The following MSI2 variants were observed in gnomAD, a reference collection of about 807,000 sequenced individuals.
The protein encoded by MSI2 is RNA-binding protein Musashi homolog 2.
Under a neutral mutation model 45.6 loss-of-function variants are expected in MSI2, and 17 were observed. The ratio of observed to expected loss-of-function variants is 0.37; its 90% CI spans 0.26 to 0.56. The LOEUF is 0.56. Among genes scored for constraint, MSI2 ranks in the 20% least tolerant of loss-of-function variants. MSI2 has a pLI of 0.77. For missense variants in MSI2, 293 were observed against 444.2 expected, an observed-to-expected ratio of 0.66 and a Z score of 3.06; for synonymous variants, 156 against 158.2, an observed-to-expected ratio of 0.99 and a Z score of 0.11.
At chr17:57,471,911 G>T (rs1365323231) in intron 6 of MSI2, among the ~76,000 whole-genome samples, 2 of 152,172 alleles carry the variant, frequency 1.3e-5, no homozygotes, top group South Asian at 2.1e-4. Flanking sequence ...GAGGGGAAAT[G>T]TCTTCAGCTA....
At chr17:57,626,951 C>T in intron 9 of MSI2, 2 of 533,648 alleles carry the variant, frequency 3.7e-6, no homozygotes, top group Non-Finnish European at 6.7e-6. Flanking sequence ...GTGTTTGGTG[C>T]TGATGCATGG....
intron 11 of MSI2, among the ~76,000 whole-genome samples, chr17:57,666,262 G>A (rs555592807): frequency 6.6e-6 from 1 of 152,356 alleles, no homozygotes; most frequent in East Asian, 1.9e-4. Flanking sequence ...CTGAGACACT[G>A]TGTGGCATTG....
At chr17:57,308,235 T>C (rs775214783) in intron 5 of MSI2, among the ~76,000 whole-genome samples, 2 of 152,168 alleles carry the variant, frequency 1.3e-5, no homozygotes, top group Non-Finnish European at 2.9e-5. Flanking sequence ...GTAAATCAAA[T>C]AATGTTAGCT....
chr17:57,688,505 G>T (rs982695852), downstream of MSI2, among the ~76,000 whole-genome samples: 5 of 152,118 alleles, frequency 3.3e-5, no homozygotes, highest in Admixed American at 6.5e-5. Context: ...TCAATATACA[G>T]CATATCATAG....
intron 8 of MSI2, among the ~76,000 whole-genome samples, chr17:57,602,340 TTTTTGTTTG>T (rs1021396229): frequency 6.6e-6 from 1 of 152,090 alleles, no homozygotes; most frequent in African/African-American, 2.4e-5. Context: ...TGTTTTTTGT[TTTTTGTTTG>T]TTTTGTTTTG....
Position 57,683,914 on chromosome 17 carries a change from T to G in MSI2, c.*4397T>G, listed in dbSNP as rs1263629785. On this transcript the variant is annotated 3_prime_UTR_variant, in exon 14 of 14. Coordinates refer to ENST00000284073, the MANE Select transcript of MSI2 (RefSeq NM_138962.4). This position sits in a 1 kb window ranked among gnomAD's most constrained non-coding sequence, Gnocchi z 5.2. ...GCAATACTTTAATACTGTAATATGT[T>G]TGTTTTCTTTTTCTTTCTTTTTTTT... 4.8e-5 allele frequency: 11 copies of G among 230,946 alleles called. No individual in the cohort carries two copies. The highest frequency in any genetic ancestry group is 2.8e-4 in the Admixed American group (5 of 17,674). The allele number at this position is 230,946 out of a possible 1,614,324, so 14.3% of individuals were successfully genotyped here. A position where few individuals can be genotyped will look rare whatever the true frequency, so the allele number is the denominator to read the frequency against.
intron 5 of MSI2, among the ~76,000 whole-genome samples, chr17:57,299,532 C>T (rs1318133688): frequency 3.3e-5 from 5 of 152,058 alleles, no homozygotes; most frequent in Admixed American, 6.6e-5. Flanking sequence ...GGGGAAGGGA[C>T]GTGGGGGAAT....
At chr17:57,672,417 C>G (rs903803000) in intron 11 of MSI2, among the ~76,000 whole-genome samples, 3 of 152,240 alleles carry the variant, frequency 2.0e-5, no homozygotes, top group Admixed American at 6.5e-5. Context: ...TGTCTTCTAT[C>G]TAAGCCTGCA....
intron 7 of MSI2, among the ~76,000 whole-genome samples, chr17:57,547,348 G>A (rs555522088): frequency 3.9e-5 from 6 of 152,332 alleles, no homozygotes; most frequent in African/African-American, 1.4e-4. Flanking sequence ...GATCCCAGTG[G>A]CTCCCTGAAT....
At chr17:57,257,655 G>A (rs1001678473) in intron 3 of MSI2, 108 bp downstream of exon 3, 18 of 767,646 alleles carry the variant, frequency 2.3e-5, no homozygotes, top group African/African-American at 2.3e-4. Flanking sequence ...GGGCTCAGGC[G>A]CGTGGCTGAT....
intron 6 of MSI2, among the ~76,000 whole-genome samples, chr17:57,435,810 A>G (rs1283683835): frequency 6.6e-6 from 1 of 152,104 alleles, no homozygotes; most frequent in African/African-American, 2.4e-5. Flanking sequence ...TTCATGTTTT[A>G]TGTGAAATTG....
chr17:57,632,437 G>A lies in MSI2; in HGVS notation c.727+5134G>A, dbSNP rs114366652. On this transcript the variant is annotated intron_variant, in intron 10 of 13. Coordinates refer to ENST00000284073, the MANE Select transcript of MSI2 (RefSeq NM_138962.4). ...CATAATCACAAGCCTGTCTGTCTTC[G>A]AGAAGGGACAGTGGAGTCATCCAGG... The A allele has an allele frequency of 2.8e-3, 2,961 of 1,065,974 alleles. 62 individuals carry two copies. In the African/African-American group the frequency reaches 0.045, roughly 16 times the overall value. The allele number at this position is 1,065,974 out of a possible 1,614,324, so 66.0% of individuals were successfully genotyped here.
intron 6 of MSI2, among the ~76,000 whole-genome samples, chr17:57,424,810 G>A (rs567308407): frequency 1.9e-4 from 29 of 152,238 alleles, no homozygotes; most frequent in African/African-American, 6.7e-4. Flanking sequence ...GATGACTCCA[G>A]GACAGCCAGT....
chr17:57,409,769 G>A (rs1331419686), intron 6 of MSI2, among the ~76,000 whole-genome samples: 1 of 152,098 alleles, frequency 6.6e-6, no homozygotes, highest in Non-Finnish European at 1.5e-5. Flanking sequence ...AGCACTTTGG[G>A]GGGCCAAGGC....
downstream of MSI2, among the ~76,000 whole-genome samples, chr17:57,686,864 A>T (rs1913894184): frequency 6.6e-6 from 1 of 152,210 alleles, no homozygotes; most frequent in Non-Finnish European, 1.5e-5. Flanking sequence ...AAATAAAGAC[A>T]TAGAAGAATT....
At chr17:57,477,842 G>A (rs756852289) in intron 6 of MSI2, among the ~76,000 whole-genome samples, 26 of 152,188 alleles carry the variant, frequency 1.7e-4, no homozygotes, top group Non-Finnish European at 3.7e-4. Context: ...CTGGCAGAAA[G>A]GTCAGGAACA....
downstream of MSI2, among the ~76,000 whole-genome samples, chr17:57,686,089 T>C (rs940578970): frequency 1.3e-5 from 2 of 152,238 alleles, no homozygotes; most frequent in Non-Finnish European, 2.9e-5. Flanking sequence ...GTTGTATAGC[T>C]GCTGAGTGGC....
At chr17:57,431,723 A>T (rs2084597516) in intron 6 of MSI2, among the ~76,000 whole-genome samples, 1 of 152,138 alleles carries the variant, frequency 6.6e-6, no homozygotes, top group Admixed American at 6.5e-5. Context: ...GGAAGACTTG[A>T]TTGTGGTGGC....
chr17:57,378,348 C>G (rs866631391), intron 5 of MSI2, among the ~76,000 whole-genome samples: 7 of 151,932 alleles, frequency 4.6e-5, no homozygotes, highest in Non-Finnish European at 8.8e-5. Flanking sequence ...ACTGCAACCT[C>G]CGCCTCCCGG....
Sources: gnomAD v4.1 joint callset for allele counts (sites outside exome capture counted in the v4.1 genomes callset) on GRCh38, gnomAD v4.1.1 for gene constraint, Gnocchi (gnomAD v3.1) non-coding constraint, MANE v1.5 for transcripts, NCBI Gene and HGNC (gene_info 2026-07-23, HGNC 2026-07-21) for gene names.